MYO7A: variants seen among roughly 807,000 people sequenced by gnomAD.
MYO7A encodes the protein myosin VIIA.
In MYO7A, 210 loss-of-function variants were observed where a neutral mutation model predicts 263.8. The observed-to-expected ratio is 0.80, with a 90% CI of 0.71 to 0.89. The LOEUF is 0.89. Ranked by LOEUF, MYO7A falls within the 40% of genes least tolerant of loss-of-function variation. The pLI is 0.00. For synonymous variants in MYO7A, 1,239 were observed against 1,197.3 expected (o/e 1.03, Z -0.72); for missense variants, 2,820 against 2,968.3 (o/e 0.95, Z 1.16).
chr11:77,130,601 C>G lies in MYO7A; in HGVS notation c.-34C>G, dbSNP rs2135521538. 1 of 1,611,870 alleles carries G rather than the reference C, an allele frequency of 6.2e-7. No homozygotes were observed. The highest frequency in any genetic ancestry group is 1.1e-5 in the South Asian group (1 of 90,328). On this transcript the variant is annotated 5_prime_UTR_variant, in exon 2 of 49. Transcript: ENST00000409709. ...TCTCTCCCTGCAGAACTGTGCCTGG[C>G]CCAGTGGGCAGCAGGAGCTCCTGAC...
intron 2 of MYO7A, among the ~76,000 whole-genome samples, chr11:77,134,542 A>G (rs754947902): frequency 1.3e-5 from 2 of 152,060 alleles, no homozygotes; most frequent in African/African-American, 2.4e-5. Flanking sequence ...ATTGTGGTAT[A>G]CTACAGCTTT....
Position 77,192,120 on chromosome 11 carries a change from G to C in MYO7A, c.3994G>C (p.Glu1332Gln). 6.2e-7 allele frequency: 1 copy of C among 1,613,918 alleles called. No individual in the cohort carries two copies. The highest frequency in any genetic ancestry group is 8.5e-7 in the Non-Finnish European group (1 of 1,179,892). ...AISQCEQYAKEQGAQERNAPW... is the reference protein window; with the variant it reads ...AISQCEQYAKQQGAQERNAPW... ...CTCCCAGTGCGAGCAGTACGCCAAG[G>C]AGCAGGGCGCCCAGGAGCGCAACGC... is the stretch of plus-strand genomic sequence containing the variant. Residue 1332 changes from glutamate to glutamine, a missense_variant, in exon 31 of 49, where the codon GAG (glutamate) becomes CAG (glutamine). Glu to Gln is a conservative substitution (Grantham distance 29). Transcript: ENST00000409709.
At chr11:77,200,785 A>G (rs1957011543) in intron 35 of MYO7A, among the ~76,000 whole-genome samples, 1 of 152,168 alleles carries the variant, frequency 6.6e-6, no homozygotes, top group Admixed American at 6.5e-5. Context: ...CAGCTCTCCA[A>G]GTTAGATCAG....
intron 4 of MYO7A, among the ~76,000 whole-genome samples, chr11:77,148,459 C>T (rs1465151274): frequency 6.6e-6 from 1 of 152,198 alleles, no homozygotes; most frequent in Non-Finnish European, 1.5e-5. Flanking sequence ...CACACACACA[C>T]CACTCTCCTC....
At chr11:77,130,678 GC>G (rs1950741809) in intron 2 of MYO7A, 26 bp downstream of exon 2, 1 of 1,611,722 alleles carries the variant, frequency 6.2e-7, no homozygotes, top group Non-Finnish European at 8.5e-7. Context: ...TCTTTGGGTG[GC>G]CTGTCCTCCC....
chr11:77,156,582 G>C (rs1482999112), intron 5 of MYO7A, 78 bp from the exon 6 acceptor site: 9 of 1,590,242 alleles, frequency 5.7e-6, no homozygotes, highest in African/African-American at 1.3e-5. Flanking sequence ...CTGGTGGATG[G>C]TGCAGCCTGG....
At chr11:77,204,375 C>A in intron 39 of MYO7A, 146 bp downstream of exon 39, 1 of 1,168,720 alleles carries the variant, frequency 8.6e-7, no homozygotes, top group Non-Finnish European at 1.2e-6. Flanking sequence ...CCCCTCACAT[C>A]CTAGCTTGGC....
Position 77,208,263 on chromosome 11 carries a change from C to T in MYO7A, c.5857-167C>T, listed in dbSNP as rs145651898. Among the ~76,000 whole-genome samples the T allele has an allele frequency of 1.0e-3, 153 of 152,288 alleles. 1 individual carries two copies. The highest frequency in any genetic ancestry group is 3.6e-3 in the African/African-American group (150 of 41,574). The stretch of plus-strand genomic sequence containing the variant: ...GGCAAGAAGTGGGCTCTTCCGGGGA[C>T]ACTCAGCAGGCACATGGGGCAGGGT... On this transcript the variant is annotated intron_variant, in intron 42 of 48. Coordinates refer to ENST00000409709, the MANE Select transcript of MYO7A (RefSeq NM_000260.4).
chr11:77,146,697 C>T (rs951271447), intron 3 of MYO7A, among the ~76,000 whole-genome samples: 5 of 152,074 alleles, frequency 3.3e-5, no homozygotes, highest in Non-Finnish European at 7.4e-5. Flanking sequence ...CAGCGAGTCT[C>T]AGGGCCTGAG....
rs782080111 is a variant in MYO7A, at chr11:77,179,766, T to A, written c.2399T>A (p.Leu800Gln). 5 of 1,551,092 alleles carry A rather than the reference T, an allele frequency of 3.2e-6. No individual in the cohort carries two copies. Among genetic ancestry groups the A allele is most frequent in the Non-Finnish European group, 4.3e-6 (5 of 1,149,588 alleles). The change falls in exon 21 of 49, where the codon CTG becomes CAG. Residue 800 changes from leucine (L) to glutamine (Q), a missense_variant. Coordinates refer to ENST00000409709, the MANE Select transcript of MYO7A (RefSeq NM_000260.4). ...CTGGGCTTCCTGCGGCTGCAGGCCC[T>A]GCACCGCTCCCGGAAGCTGCACCAG... is the stretch of plus-strand genomic sequence containing the variant. ...MRLGFLRLQA[L>Q]HRSRKLHQQY...
intron 44 of MYO7A, among the ~76,000 whole-genome samples, chr11:77,210,317 A>G (rs545679920): frequency 4.8e-4 from 73 of 152,190 alleles, no homozygotes; most frequent in Non-Finnish European, 8.7e-4. Flanking sequence ...CTGGTGGCTC[A>G]ATGAACATAG....
At chr11:77,186,418 C>T (rs573744323) in intron 27 of MYO7A, among the ~76,000 whole-genome samples, 1 of 152,352 alleles carries the variant, frequency 6.6e-6, no homozygotes, top group Admixed American at 6.5e-5. Context: ...GGTTCATCTA[C>T]ATGGAAAATC....
At chr11:77,193,041 T>C (rs1355842468) in intron 31 of MYO7A, among the ~76,000 whole-genome samples, 13 of 132,386 alleles carry the variant, frequency 9.8e-5, no homozygotes, top group African/African-American at 3.1e-4. Context: ...TTGTTGGTGA[T>C]GGTGGAGGTG....
intron 3 of MYO7A, 63 bp downstream of exon 3, chr11:77,142,885 C>A: frequency 7.4e-7 from 1 of 1,346,548 alleles, no homozygotes; most frequent in South Asian, 1.3e-5. Context: ...TGACAGCTGC[C>A]TTGATGCAGG....
chr11:77,180,912 A>G (rs937401255), intron 22 of MYO7A, among the ~76,000 whole-genome samples: 2 of 152,246 alleles, frequency 1.3e-5, no homozygotes, highest in Non-Finnish European at 1.5e-5. Context: ...AAATGAATAT[A>G]AAATATCTCA....
At chr11:77,149,725 T>C (rs570040566) in intron 4 of MYO7A, among the ~76,000 whole-genome samples, 20 of 152,220 alleles carry the variant, frequency 1.3e-4, no homozygotes, top group Admixed American at 5.2e-4. Context: ...TTGCTGTCCA[T>C]TTTTTGGGCA....
Position 77,213,012 on chromosome 11 carries a change from A to G in MYO7A, c.6415A>G (p.Ser2139Gly). 6.3e-7 allele frequency: 1 copy of G among 1,585,958 alleles called. No individual in the cohort carries two copies. Among genetic ancestry groups the G allele is most frequent in the Non-Finnish European group, 8.6e-7 (1 of 1,165,290 alleles). The change falls in exon 47 of 49, where the codon AGC (serine) becomes GGC (glycine). Residue 2139 changes from serine to glycine, a missense_variant. By Grantham distance (56) the Ser-to-Gly change is moderately conservative. Transcript: ENST00000409709. Reference sequence around the variant, plus strand: ...AATTGCCATCAACAAGTATGGGGTCAGCCTCATCGATCCCAAAACGAAGGT... The same window carrying G: ...AATTGCCATCAACAAGTATGGGGTCGGCCTCATCGATCCCAAAACGAAGGT... ...LLIAINKYGV[S>G]LIDPKTKDIL...
At chr11:77,162,782 G>A in intron 13 of MYO7A, 71 bp from the exon 14 acceptor site, 8 of 1,566,850 alleles carry the variant, frequency 5.1e-6, no homozygotes, top group Non-Finnish European at 6.9e-6. Flanking sequence ...AGGGGGCAAA[G>A]ACATGGGCAG....
chr11:77,196,366 C>CAA (rs59969033), intron 32 of MYO7A, among the ~76,000 whole-genome samples: 4,350 of 137,300 alleles, frequency 0.032, 137 homozygotes, highest in African/African-American at 0.08. Context: ...GACTCCTTCT[C>CAA]AAAAAAAAAA....
Sources: allele counts gnomAD v4.1 joint callset (sites outside exome capture counted in the v4.1 genomes callset), GRCh38; gene constraint gnomAD v4.1.1; transcripts MANE v1.5; gene names NCBI Gene and HGNC (gene_info 2026-07-23, HGNC 2026-07-21).